ITPR2: variants seen among roughly 807,000 people sequenced by gnomAD.
ITPR2 encodes the protein inositol 1,4,5-trisphosphate-gated calcium channel ITPR2.
Under a neutral mutation model 317.1 loss-of-function variants are expected in ITPR2, and 207 were observed. The observed-to-expected ratio is 0.65, with a 90% CI of 0.58 to 0.73. The LOEUF is 0.73. Ranked by LOEUF, ITPR2 falls within the 30% of genes least tolerant of loss-of-function variation. The probability of loss-of-function intolerance (pLI) is 0.00; values close to 1 mark genes in which losing one functional copy is unlikely to be tolerated. For missense variants in ITPR2, 2,613 were observed against 3,284.0 expected, an observed-to-expected ratio of 0.80 and a Z score of 4.99; for synonymous variants, 1,156 against 1,149.1, an observed-to-expected ratio of 1.01 and a Z score of -0.12.
In ITPR2 at chr12:26,729,329, A is replaced by G. The variant is rs528651390; in HGVS notation, c.164-3564T>C. 2.0e-5 allele frequency among the ~76,000 whole-genome samples: 3 copies of G among 152,320 alleles called. No individual in the cohort carries two copies. The South Asian group carries it at 6.2e-4, about 32-fold the overall frequency. The stretch of plus-strand genomic sequence containing the variant: ...AAAAATAACAGATGCTAGTGAGGTT[A>G]TGAAGAAAAATTAACACTTCTACAC... On this transcript the variant is annotated intron_variant, in intron 2 of 56. Coordinates refer to ENST00000381340, the MANE Select transcript of ITPR2 (RefSeq NM_002223.4).
chr12:26,575,082 G>T lies in ITPR2; in HGVS notation c.4630+3631C>A, dbSNP rs117305129. ...AGATTTGGATGTAGGAGCCAAGGGT[G>T]GCTATGGAGGAATTTGAGCAGAAAA... On this transcript the variant is annotated intron_variant, in intron 34 of 56. Transcript: ENST00000381340. Among the ~76,000 whole-genome samples, 41 of 150,794 alleles carry T rather than the reference G, an allele frequency of 2.7e-4. 1 individual carries two copies. The East Asian group carries it at 8.0e-3, about 29-fold the overall frequency.
intron 11 of ITPR2, among the ~76,000 whole-genome samples, chr12:26,683,715 C>T (rs1021274733): frequency 6.8e-4 from 103 of 152,258 alleles, no homozygotes; most frequent in African/African-American, 2.4e-3. Flanking sequence ...TTCCATGTAC[C>T]ATGAATTTTA....
intron 56 of ITPR2, 114 bp from the exon 57 acceptor site, chr12:26,339,597 A>G (rs1346497172): frequency 2.9e-6 from 2 of 699,190 alleles, no homozygotes; most frequent in Non-Finnish European, 5.0e-6. Context: ...CCAGCATCAT[A>G]TAGAATATAT....
chr12:26,773,981 A>ATTTTTTTTTTTTTTT (rs34106132), intron 2 of ITPR2, among the ~76,000 whole-genome samples: 1 of 91,392 alleles, frequency 1.1e-5, no homozygotes. Context: ...CAACTGGAGA[A>ATTTTTTTTTTTTTTT]TTTTTTTTTT....
At chr12:26,416,803 C>A (rs999665895) in intron 50 of ITPR2, among the ~76,000 whole-genome samples, 2 of 152,068 alleles carry the variant, frequency 1.3e-5, no homozygotes, top group African/African-American at 4.8e-5. Flanking sequence ...TTTATTTAAG[C>A]AGTAAGTTGA....
rs571597065 is a variant in ITPR2, at chr12:26,506,745, G to A, written c.5074-11485C>T. Among the ~76,000 whole-genome samples, 4 of 152,130 alleles carry A rather than the reference G, an allele frequency of 2.6e-5. No individual in the cohort carries two copies. In the East Asian group the frequency reaches 7.7e-4, roughly 29 times the overall value. On this transcript the variant is annotated intron_variant, in intron 37 of 56. Transcript: ENST00000381340. ...CTAATATCCCAAAAGTCCAGTCCAG[G>A]TTATCCCCCTGCTACAATATGTCTA...
At chr12:26,655,210 C>CA (rs1358114728) in intron 20 of ITPR2, among the ~76,000 whole-genome samples, 2 of 151,996 alleles carry the variant, frequency 1.3e-5, no homozygotes, top group African/African-American at 4.8e-5. Context: ...TTATTACATG[C>CA]AAAAAATCTT....
intron 26 of ITPR2, among the ~76,000 whole-genome samples, chr12:26,611,668 G>A (rs1432681365): frequency 6.6e-6 from 1 of 152,130 alleles, no homozygotes; most frequent in Non-Finnish European, 1.5e-5. Flanking sequence ...ATCACTGTAA[G>A]AAAAATTAAC....
intron 54 of ITPR2, among the ~76,000 whole-genome samples, chr12:26,388,566 A>G (rs1225986122): frequency 6.6e-6 from 1 of 151,640 alleles, no homozygotes; most frequent in Non-Finnish European, 1.5e-5. Context: ...TGATCCTCCT[A>G]CTTCAGCCTC....
chr12:26,565,008 T>C (rs578007269), intron 34 of ITPR2, among the ~76,000 whole-genome samples: 43 of 152,324 alleles, frequency 2.8e-4, no homozygotes, highest in African/African-American at 8.9e-4. Flanking sequence ...ATCATCAGCA[T>C]TGAATGCTAA....
rs113670830 is a variant in ITPR2, at chr12:26,526,815, G to C, written c.5073+23432C>G. 3.4e-3 allele frequency among the ~76,000 whole-genome samples: 520 copies of C among 152,272 alleles called. 3 individuals are homozygous for C. Among genetic ancestry groups the C allele is most frequent in the African/African-American group, 0.012 (498 of 41,550 alleles). On this transcript the variant is annotated intron_variant, in intron 37 of 56. Transcript: ENST00000381340. ...CTTATAGGTAAAATCAACAAGACTA[G>C]CTGATGCATTTGCCATAAGGGGCGA...
chr12:26,655,920 C>G, intron 19 of ITPR2, 68 bp from the exon 20 acceptor site: 1 of 1,435,636 alleles, frequency 7.0e-7, no homozygotes, highest in Non-Finnish European at 9.6e-7. Flanking sequence ...GGAAAACACA[C>G]GTAGTTTCCT....
chr12:26,682,745 T>C (rs1022036240), intron 11 of ITPR2, 72 bp from the exon 12 acceptor site: 1 of 840,642 alleles, frequency 1.2e-6, no homozygotes, highest in African/African-American at 1.7e-5. Flanking sequence ...TCTTTAACAG[T>C]TTCATATATT....
intron 9 of ITPR2, among the ~76,000 whole-genome samples, chr12:26,699,446 T>C (rs1948406472): frequency 6.6e-6 from 1 of 152,104 alleles, no homozygotes; most frequent in African/African-American, 2.4e-5. Flanking sequence ...ATCTGCAAAA[T>C]GAGAAAAAGA....
At chr12:26,403,428 T>A (rs1164543641) in intron 52 of ITPR2, among the ~76,000 whole-genome samples, 4 of 152,074 alleles carry the variant, frequency 2.6e-5, no homozygotes, top group African/African-American at 4.8e-5. Flanking sequence ...AGATAAAACA[T>A]GTAGAAGACA....
intron 55 of ITPR2, among the ~76,000 whole-genome samples, chr12:26,342,258 GGGA>G (rs1185564956): frequency 4.6e-5 from 7 of 152,094 alleles, no homozygotes; most frequent in Admixed American, 1.3e-4. Flanking sequence ...GTAGGAAGGA[GGGA>G]GGAGAACAGA....
chr12:26,402,587 T>C (rs1241804635), intron 52 of ITPR2, among the ~76,000 whole-genome samples: 2 of 152,180 alleles, frequency 1.3e-5, no homozygotes, highest in African/African-American at 2.4e-5. Context: ...AATGAGAGAA[T>C]TGGTTTTCTG....
intron 15 of ITPR2, among the ~76,000 whole-genome samples, chr12:26,659,993 A>G (rs1017369869): frequency 2.0e-5 from 3 of 152,212 alleles, no homozygotes; most frequent in Non-Finnish European, 4.4e-5. Context: ...TGCCCAATAA[A>G]TGTTTCTTGA....
At chr12:26,717,981 C>T (rs957853054) in intron 5 of ITPR2, among the ~76,000 whole-genome samples, 1 of 152,216 alleles carries the variant, frequency 6.6e-6, no homozygotes, top group African/African-American at 2.4e-5. Flanking sequence ...CCTGAGTCAT[C>T]ATCCATACTC....
Sources: allele counts gnomAD v4.1 joint callset (sites outside exome capture counted in the v4.1 genomes callset), GRCh38; gene constraint gnomAD v4.1.1; transcripts MANE v1.5; gene names NCBI Gene and HGNC (gene_info 2026-07-23, HGNC 2026-07-21).